The following SHISA9 variants were observed in gnomAD, a reference collection of about 807,000 sequenced individuals.
The protein encoded by SHISA9 is protein shisa-9.
In SHISA9, 13 loss-of-function variants were observed where a neutral mutation model predicts 38.0. The ratio of observed to expected loss-of-function variants is 0.34; its 90% CI spans 0.22 to 0.54. The LOEUF (loss-of-function observed/expected upper bound fraction) is 0.54. SHISA9 is among the 20% of genes least tolerant of loss of function. The probability of loss-of-function intolerance (pLI) is 0.91; values close to 1 mark genes in which losing one functional copy is unlikely to be tolerated. For missense variants in SHISA9, 538 were observed against 575.8 expected (o/e 0.93, Z 0.67); for synonymous variants, 275 against 242.0 (o/e 1.14, Z -1.27).
At chr16:13,040,503 G>A (rs2073121263) in intron 2 of SHISA9, among the ~76,000 whole-genome samples, 1 of 152,122 alleles carries the variant, frequency 6.6e-6, no homozygotes, top group East Asian at 1.9e-4. Flanking sequence ...GCATTTCTCT[G>A]TTTAATTTAT....
At chr16:13,266,131 T>G in the SHISA9 span, among the ~76,000 whole-genome samples, 1 of 152,212 alleles carries the variant, frequency 6.6e-6, no homozygotes, top group Non-Finnish European at 1.5e-5. Flanking sequence ...GTTAAAAGCA[T>G]AAATCAGCTT....
At chr16:13,079,776 G>T (rs2141933857) in intron 2 of SHISA9, among the ~76,000 whole-genome samples, 1 of 152,252 alleles carries the variant, frequency 6.6e-6, no homozygotes, top group Non-Finnish European at 1.5e-5. Context: ...ACATTGTTCA[G>T]TTTATACATG....
the SHISA9 span, among the ~76,000 whole-genome samples, chr16:13,455,686 T>C: frequency 6.6e-6 from 1 of 152,232 alleles, no homozygotes; most frequent in Admixed American, 6.5e-5. Context: ...ATTAATTCGG[T>C]GTGGAGTTTT....
chr16:13,198,960 AG>A (rs1328712999), intron 2 of SHISA9, among the ~76,000 whole-genome samples: 24 of 152,352 alleles, frequency 1.6e-4, no homozygotes, highest in African/African-American at 5.8e-4. Flanking sequence ...GAGGTGTCTC[AG>A]GACTTGGGAT....
intron 2 of SHISA9, among the ~76,000 whole-genome samples, chr16:13,019,937 TTCTTTCTTTCTTTCTTTC>T (rs2072824677): frequency 4.5e-5 from 4 of 89,030 alleles, no homozygotes; most frequent in Non-Finnish European, 1.0e-4. Context: ...CTTTCTTTCT[TTCTTTCTTTCTTTCTTTC>T]TTTCCCTCCT....
At chr16:13,111,857 C>T (rs1184485994) in intron 2 of SHISA9, among the ~76,000 whole-genome samples, 1 of 152,106 alleles carries the variant, frequency 6.6e-6, no homozygotes, top group African/African-American at 2.4e-5. Flanking sequence ...GGTGAGAGGC[C>T]ATCTGGTCTT....
At chr16:13,283,610 G>A in the SHISA9 span, among the ~76,000 whole-genome samples, 3 of 151,952 alleles carry the variant, frequency 2.0e-5, no homozygotes, top group Non-Finnish European at 4.4e-5. Context: ...TAGTATGGGG[G>A]AAACCACCCC....
At chr16:12,966,954 G>C (rs1261078329) in intron 2 of SHISA9, among the ~76,000 whole-genome samples, 1 of 152,114 alleles carries the variant, frequency 6.6e-6, no homozygotes, top group Non-Finnish European at 1.5e-5. Flanking sequence ...GTGCCTCCTG[G>C]GTGCCAGGAC....
At chr16:13,176,110 A>T (rs153093) in intron 2 of SHISA9, among the ~76,000 whole-genome samples, 111,903 of 152,072 alleles carry the variant, frequency 0.74, 42,122 homozygotes, top group African/African-American at 0.91. Context: ...GTGTTTTTTT[A>T]ATAAAAACCT....
chr16:13,532,242 T>G, the SHISA9 span, among the ~76,000 whole-genome samples: 1 of 152,138 alleles, frequency 6.6e-6, no homozygotes, highest in East Asian at 1.9e-4. Context: ...ATTCAAGGAT[T>G]CTGGGACAAG....
intron 2 of SHISA9, among the ~76,000 whole-genome samples, chr16:12,979,756 T>G (rs1184954151): frequency 6.6e-6 from 1 of 152,224 alleles, no homozygotes; most frequent in Non-Finnish European, 1.5e-5. Context: ...TTTATCCATT[T>G]AAGTTTCTTT....
chr16:13,444,174 C>G, the SHISA9 span, among the ~76,000 whole-genome samples: 1 of 152,164 alleles, frequency 6.6e-6, no homozygotes, highest in Admixed American at 6.5e-5. Context: ...AGTTCAAGAC[C>G]AGCCTGGGCA....
the SHISA9 span, among the ~76,000 whole-genome samples, chr16:13,464,829 A>AC: frequency 3.1e-5 from 4 of 128,846 alleles, no homozygotes; most frequent in Admixed American, 8.5e-5. Context: ...GCCCACCCCC[A>AC]CCCCCCACCT....
rs138584248 is a variant in SHISA9, at chr16:12,916,257, C to T, written c.564-431C>T. Among the ~76,000 whole-genome samples, 34 of 152,132 alleles carry T rather than the reference C, an allele frequency of 2.2e-4. No homozygotes were observed. The East Asian group carries it at 5.0e-3, about 22-fold the overall frequency. ...TGTTTTGTTTAGTTAAGACGTAATG[C>T]GATTAGCGTGGTGCCTGGCTTATGG... On this transcript the variant is annotated intron_variant, in intron 1 of 4. Transcript: ENST00000558583.
intron 2 of SHISA9, among the ~76,000 whole-genome samples, chr16:13,022,309 G>A (rs894452311): frequency 6.6e-6 from 1 of 151,188 alleles, no homozygotes; most frequent in Non-Finnish European, 1.5e-5. Flanking sequence ...GCACCACAAG[G>A]TCTGGCTAAT....
chr16:13,114,465 C>CAAAAAAAAAAAAAAA (rs58742818), intron 2 of SHISA9, among the ~76,000 whole-genome samples: 1 of 51,024 alleles, frequency 2.0e-5, no homozygotes, highest in Non-Finnish European at 4.3e-5. Flanking sequence ...GATTCCATCT[C>CAAAAAAAAAAAAAAA]AAAAAAAAAA....
the SHISA9 span, among the ~76,000 whole-genome samples, chr16:13,309,658 A>G: frequency 4.0e-5 from 6 of 151,642 alleles, no homozygotes; most frequent in East Asian, 3.9e-4. Flanking sequence ...AAAAAAAAAA[A>G]AAAGAAAGTT....
At chr16:13,523,329 A>C in the SHISA9 span, among the ~76,000 whole-genome samples, 1 of 152,202 alleles carries the variant, frequency 6.6e-6, no homozygotes, top group African/African-American at 2.4e-5. Flanking sequence ...CAGCCTGGGC[A>C]ACACAGCAAG....
the SHISA9 span, among the ~76,000 whole-genome samples, chr16:13,271,563 A>G: frequency 4.6e-5 from 7 of 152,288 alleles, no homozygotes; most frequent in Admixed American, 4.6e-4. Flanking sequence ...ATAAAAAGAA[A>G]CTATTGACAC....
Sources: gnomAD v4.1 joint callset for allele counts (sites outside exome capture counted in the v4.1 genomes callset) on GRCh38, gnomAD v4.1.1 for gene constraint, MANE v1.5 for transcripts, NCBI Gene and HGNC (gene_info 2026-07-23, HGNC 2026-07-21) for gene names.